The following PARD3 variants were observed in gnomAD, a reference collection of about 807,000 sequenced individuals.
PARD3 encodes the protein partitioning defective 3 homolog.
Under a neutral mutation model 155.4 loss-of-function variants are expected in PARD3, and 75 were observed. The ratio of observed to expected loss-of-function variants is 0.48; its 90% CI spans 0.40 to 0.58. The LOEUF is 0.58. PARD3 is among the 20% of genes least tolerant of loss of function. The pLI is 0.00. For synonymous variants in PARD3, 576 were observed against 610.5 expected (o/e 0.94, Z 0.83); for missense variants, 1,642 against 1,721.7 (o/e 0.95, Z 0.82).
intron 22 of PARD3, among the ~76,000 whole-genome samples, chr10:34,185,991 T>C (rs1339108257): frequency 6.6e-6 from 1 of 152,012 alleles, no homozygotes; most frequent in Non-Finnish European, 1.5e-5. Flanking sequence ...AGGAAACCTT[T>C]GTTTCCAAGG....
chr10:34,516,437 G>A (rs1043449377), intron 3 of PARD3, among the ~76,000 whole-genome samples: 4 of 152,082 alleles, frequency 2.6e-5, no homozygotes, highest in Non-Finnish European at 5.9e-5. Context: ...CCCAGATCTG[G>A]AATACCCAGG....
intron 1 of PARD3, among the ~76,000 whole-genome samples, chr10:34,699,816 A>G (rs1442496415): frequency 3.9e-5 from 6 of 152,208 alleles, no homozygotes; most frequent in Admixed American, 3.9e-4. Context: ...TCAAGGCTGC[A>G]GTGAGCTGTG....
At chr10:34,261,162 T>C (rs1954938749) in intron 22 of PARD3, among the ~76,000 whole-genome samples, 1 of 152,180 alleles carries the variant, frequency 6.6e-6, no homozygotes, top group South Asian at 2.1e-4. Context: ...TGGCAAATGA[T>C]TGCATAGTGA....
At chr10:34,320,357 T>A (rs767809730) in intron 19 of PARD3, among the ~76,000 whole-genome samples, 1 of 152,240 alleles carries the variant, frequency 6.6e-6, no homozygotes, top group Non-Finnish European at 1.5e-5. Flanking sequence ...GTTAGTGCTG[T>A]ATGCATCATT....
rs571256092 is a variant in PARD3, at chr10:34,211,556, C to T, written c.3419+58101G>A. On this transcript the variant is annotated intron_variant, in intron 22 of 24. Coordinates refer to ENST00000374788, the MANE Select transcript of PARD3 (RefSeq NM_001184785.2). ...CAGAACTTTGGGAGGCCGAGGCAGA[C>T]GGATCACTTGAGATCAGGAGTTCGA... Among the ~76,000 whole-genome samples the T allele has an allele frequency of 1.0e-3, 156 of 152,204 alleles. 1 individual carries two copies. Among genetic ancestry groups the T allele is most frequent in the African/African-American group, 7.9e-4 (33 of 41,528 alleles).
At position 34,246,115 on chromosome 10, in the gene PARD3, A is replaced by G. The variant is rs562088425; in HGVS notation, c.3419+23542T>C. 5.3e-5 allele frequency among the ~76,000 whole-genome samples: 8 copies of G among 152,324 alleles called. No individual in the cohort carries two copies. In the South Asian group the frequency reaches 1.2e-3, roughly 24 times the overall value. On this transcript the variant is annotated intron_variant, in intron 22 of 24. Transcript: ENST00000374788. Reference sequence around the variant, plus strand: ...TTCCTGATGGCCTCCAGATTTGGCAATTTTGTCACCTGAAAAGAATTTTCT... The same window carrying G: ...TTCCTGATGGCCTCCAGATTTGGCAGTTTTGTCACCTGAAAAGAATTTTCT...
intron 3 of PARD3, among the ~76,000 whole-genome samples, chr10:34,492,878 T>C (rs191047064): frequency 9.8e-5 from 15 of 152,360 alleles, no homozygotes; most frequent in African/African-American, 2.2e-4. Context: ...ACCAATATAG[T>C]AGCTGCAGGC....
rs374869045 is a variant in PARD3 at position 34,394,124 on chromosome 10, C to T, written c.890+5206G>A. Among the ~76,000 whole-genome samples the T allele has an allele frequency of 8.6e-4, 131 of 152,124 alleles. 1 individual carries two copies. Among genetic ancestry groups the T allele is most frequent in the African/African-American group, 2.9e-3 (121 of 41,510 alleles). ...GTGCTAGGATTAAGGTGTGAGCCAC[C>T]GCGCCTGGCCTATGCCTCAGCCTCC... On this transcript the variant is annotated intron_variant, in intron 7 of 24. Coordinates refer to ENST00000374788, the MANE Select transcript of PARD3 (RefSeq NM_001184785.2).
chr10:34,121,225 A>G (rs991773865), intron 23 of PARD3, among the ~76,000 whole-genome samples: 25 of 152,344 alleles, frequency 1.6e-4, no homozygotes, highest in Middle Eastern at 6.8e-3. Context: ...CTCACTGACA[A>G]TGGTTACCTT....
chr10:34,613,816 G>A (rs2091072378), intron 2 of PARD3, among the ~76,000 whole-genome samples: 1 of 152,192 alleles, frequency 6.6e-6, no homozygotes, highest in African/African-American at 2.4e-5. Context: ...GGTGAATGTG[G>A]AGAAACCATT....
intron 19 of PARD3, among the ~76,000 whole-genome samples, chr10:34,325,628 C>T (rs1030753982): frequency 1.3e-5 from 2 of 152,094 alleles, no homozygotes; most frequent in African/African-American, 4.8e-5. Flanking sequence ...AATCATCCCC[C>T]AACCCCGAGC....
intron 22 of PARD3, among the ~76,000 whole-genome samples, chr10:34,136,950 T>A (rs191523918): frequency 6.6e-6 from 1 of 152,312 alleles, no homozygotes; most frequent in Admixed American, 6.5e-5. Context: ...GTACATATCT[T>A]GTATGTCACT....
At chr10:34,504,139 T>A (rs898969250) in intron 3 of PARD3, among the ~76,000 whole-genome samples, 1 of 152,056 alleles carries the variant, frequency 6.6e-6, no homozygotes, top group Admixed American at 6.6e-5. Flanking sequence ...CCCAGATTTT[T>A]TTTTTTAAGA....
chr10:34,576,360 T>C (rs973084092), intron 2 of PARD3, among the ~76,000 whole-genome samples: 1 of 152,088 alleles, frequency 6.6e-6, no homozygotes, highest in Non-Finnish European at 1.5e-5. Flanking sequence ...CAGCAATGTT[T>C]GTTTCACCTT....
intron 2 of PARD3, among the ~76,000 whole-genome samples, chr10:34,524,711 T>A (rs927215855): frequency 6.6e-6 from 1 of 152,204 alleles, no homozygotes; most frequent in Non-Finnish European, 1.5e-5. Context: ...ATAACACTAC[T>A]GCTTAAGTAT....
intron 2 of PARD3, among the ~76,000 whole-genome samples, chr10:34,671,799 A>G (rs2093614488): frequency 1.3e-5 from 2 of 152,198 alleles, no homozygotes; most frequent in South Asian, 2.1e-4. Flanking sequence ...CAGAAGTAGC[A>G]CTCCTAAGGT....
At chr10:34,669,285 A>G (rs564881066) in intron 2 of PARD3, among the ~76,000 whole-genome samples, 8 of 152,360 alleles carry the variant, frequency 5.3e-5, no homozygotes, top group Admixed American at 4.6e-4. Context: ...CAGCCATAAA[A>G]AAGAATGAAA....
intron 5 of PARD3, among the ~76,000 whole-genome samples, chr10:34,434,535 G>C (rs74134134): frequency 2.5e-4 from 38 of 152,316 alleles, no homozygotes; most frequent in African/African-American, 8.2e-4. Context: ...CACCCACGGT[G>C]TTCCTGGGTA....
intron 22 of PARD3, among the ~76,000 whole-genome samples, chr10:34,151,022 G>T (rs1355396912): frequency 6.6e-6 from 1 of 152,126 alleles, no homozygotes; most frequent in Non-Finnish European, 1.5e-5. Flanking sequence ...ATATCCTCAG[G>T]ATTTCTTTGC....
Sources: gnomAD v4.1 joint callset for allele counts (sites outside exome capture counted in the v4.1 genomes callset) on GRCh38, gnomAD v4.1.1 for gene constraint, MANE v1.5 for transcripts, NCBI Gene and HGNC (gene_info 2026-07-23, HGNC 2026-07-21) for gene names.